Variants in CACNG5 observed in about 807,000 individuals in gnomAD.
CACNG5 encodes the protein calcium voltage-gated channel auxiliary subunit gamma 5.
Under a neutral mutation model 24.8 loss-of-function variants are expected in CACNG5, and 18 were observed. The ratio of observed to expected loss-of-function variants is 0.73; its 90% CI spans 0.50 to 1.08. CACNG5 has a LOEUF of 1.08. CACNG5 is among the 50% of genes least tolerant of loss of function. The probability of loss-of-function intolerance (pLI) is 0.00; values close to 1 mark genes in which losing one functional copy is unlikely to be tolerated. For missense variants in CACNG5, 349 were observed against 367.9 expected, an observed-to-expected ratio of 0.95 and a Z score of 0.42; for synonymous variants, 157 against 149.1, an observed-to-expected ratio of 1.05 and a Z score of -0.39.
chr17:66,836,776 T>G (rs7222866), intron 1 of CACNG5, among the ~76,000 whole-genome samples: 27,372 of 152,112 alleles, frequency 0.18, 3,058 homozygotes, highest in East Asian at 0.53. Context: ...CAACGGAAGA[T>G]AGAGGTGGCC....
intron 1 of CACNG5, among the ~76,000 whole-genome samples, chr17:66,837,032 C>A (rs1415566200): frequency 6.6e-6 from 1 of 152,248 alleles, no homozygotes. Context: ...CTGTGTGACA[C>A]TGGCCAACTT....
At chr17:66,882,790 A>ACAG (rs142102781) in intron 4 of CACNG5, among the ~76,000 whole-genome samples, 12,699 of 151,970 alleles carry the variant, frequency 0.084, 711 homozygotes, top group Non-Finnish European at 0.11. Context: ...GAAAGGAAAA[A>ACAG]CAGCTATTGG....
rs71380000 is a variant in CACNG5 at position 66,893,445 on chromosome 17, C to T, written c.*8205C>T. ...TGGATTTTCCTAACTGTGGTCAGCC[C>T]GTGGTGGAACCTCGCCACACTCTTG... On this transcript the variant is annotated 3_prime_UTR_variant, in exon 6 of 6. Transcript: ENST00000533854. Among the ~76,000 whole-genome samples, 2,161 of 152,288 alleles carry T rather than the reference C, an allele frequency of 0.014. 28 individuals carry two copies. The highest frequency in any genetic ancestry group is 0.021 in the Non-Finnish European group (1,435 of 68,026).
At position 66,885,526 on chromosome 17, in the gene CACNG5, T is replaced by TC. The variant is rs57544567; in HGVS notation, c.*292dup. On this transcript the variant is annotated 3_prime_UTR_variant, in exon 6 of 6. Transcript: ENST00000533854. ...GCAGTGGCTCCAGGAAGCCAGCAGC[T>TC]CCCCCCAAGCCCAGGAGACACCGAT... 0.23 allele frequency: 97,043 copies of TC among 416,344 alleles called. 12,533 individuals carry two copies. Among genetic ancestry groups the TC allele is most frequent in the African/African-American group, 0.37 (18,680 of 49,830 alleles). 25.8% of individuals were successfully genotyped at this position (416,344 alleles called of 1,614,324 possible).
intron 2 of CACNG5, among the ~76,000 whole-genome samples, chr17:66,878,460 G>T (rs1383624462): frequency 6.6e-6 from 1 of 152,236 alleles, no homozygotes; most frequent in Non-Finnish European, 1.5e-5. Context: ...TGTTGAGTCT[G>T]CCATGTGAAT....
rs1977264577 is a variant in CACNG5, at chr17:66,886,593, G to C, written c.*1353G>C. Among the ~76,000 whole-genome samples, 1 of 152,198 alleles carries C rather than the reference G, an allele frequency of 6.6e-6. No homozygotes were observed. The highest frequency in any genetic ancestry group is 2.4e-5 in the African/African-American group (1 of 41,458). Reference sequence around the variant, plus strand: ...TAGCAAAGCAATGCTGTGTGTCGCTGCTGTGCCCGCTCTCTCCTTGCCCTC... The same window carrying C: ...TAGCAAAGCAATGCTGTGTGTCGCTCCTGTGCCCGCTCTCTCCTTGCCCTC... On this transcript the variant is annotated 3_prime_UTR_variant, in exon 6 of 6. Coordinates refer to ENST00000533854, the MANE Select transcript of CACNG5 (RefSeq NM_145811.3).
intron 1 of CACNG5, among the ~76,000 whole-genome samples, chr17:66,862,341 C>T (rs1976873602): frequency 6.6e-6 from 1 of 151,172 alleles, no homozygotes; most frequent in South Asian, 2.1e-4. Context: ...TACACACGCC[C>T]AGCTATGAAT....
intron 1 of CACNG5, among the ~76,000 whole-genome samples, chr17:66,868,147 T>C (rs1479576997): frequency 6.6e-6 from 1 of 152,230 alleles, no homozygotes; most frequent in African/African-American, 2.4e-5. Flanking sequence ...GCTGGACTTC[T>C]TCTTTTGTTA....
chr17:66,855,554 C>T (rs990574647), intron 1 of CACNG5, among the ~76,000 whole-genome samples: 6 of 152,192 alleles, frequency 3.9e-5, no homozygotes, highest in Non-Finnish European at 5.9e-5. Flanking sequence ...GACAGAGTCT[C>T]ACCCTGTCAC....
chr17:66,837,956 C>A (rs1278563828), intron 1 of CACNG5, among the ~76,000 whole-genome samples: 1 of 151,516 alleles, frequency 6.6e-6, no homozygotes, highest in African/African-American at 2.4e-5. Flanking sequence ...AGGGTGGGTG[C>A]CAGGCCTGTG....
chr17:66,847,941 C>G (rs1346533884), intron 1 of CACNG5, among the ~76,000 whole-genome samples: 1 of 152,186 alleles, frequency 6.6e-6, no homozygotes, highest in African/African-American at 2.4e-5. Context: ...TCTGATGGAG[C>G]CCAGACCCTT....
chr17:66,875,579 T>C (rs1208509226), intron 1 of CACNG5, among the ~76,000 whole-genome samples: 1 of 152,162 alleles, frequency 6.6e-6, no homozygotes, highest in Non-Finnish European at 1.5e-5. Flanking sequence ...CAACTCAGAC[T>C]CTGCAGACAA....
Position 66,862,888 on chromosome 17 carries a change from T to TTCTCTCTCTC in CACNG5, c.-103-14337_-103-14336insCTCTCTCTCT, listed in dbSNP as rs144007490. On this transcript the variant is annotated intron_variant, in intron 1 of 5. Coordinates refer to ENST00000533854, the MANE Select transcript of CACNG5 (RefSeq NM_145811.3). Reference sequence around the variant, plus strand: ...TCTTACAACCTTGTCTGCCAGCATATTCTCTGTGTGTGTGTGTGTGTGTGT... The same window carrying TTCTCTCTCTC: ...TCTTACAACCTTGTCTGCCAGCATATTCTCTCTCTCTCTCTGTGTGTGTGTGTGTGTGTGT... Among the ~76,000 whole-genome samples the TTCTCTCTCTC allele has an allele frequency of 8.7e-3, 830 of 95,644 alleles. 13 individuals carry two copies. Among genetic ancestry groups the TTCTCTCTCTC allele is most frequent in the African/African-American group, 0.025 (753 of 30,608 alleles). The allele number at this position is 95,644 out of a possible 152,430, so 62.7% of individuals were successfully genotyped here.
At position 66,891,871 on chromosome 17, in the gene CACNG5, G is replaced by T. The variant is rs1036054150; in HGVS notation, c.*6631G>T. ...CTGGAGATTCTGAAGTTACTCTGGG[G>T]TGGGACCTGAGGGTCTGTTTCTCTT... On this transcript the variant is annotated 3_prime_UTR_variant, in exon 6 of 6. Transcript: ENST00000533854. 6.6e-6 allele frequency among the ~76,000 whole-genome samples: 1 copy of T among 152,184 alleles called. No individual in the cohort carries two copies. Among genetic ancestry groups the T allele is most frequent in the African/African-American group, 2.4e-5 (1 of 41,440 alleles).
intron 1 of CACNG5, among the ~76,000 whole-genome samples, chr17:66,852,532 A>C (rs1327663857): frequency 3.3e-5 from 5 of 152,164 alleles, no homozygotes; most frequent in Admixed American, 6.5e-5. Flanking sequence ...AGAAACTGAA[A>C]ATTGCTGTTT....
chr17:66,849,634 C>T (rs1022268998), intron 1 of CACNG5, among the ~76,000 whole-genome samples: 3 of 152,184 alleles, frequency 2.0e-5, no homozygotes, highest in African/African-American at 7.2e-5. Flanking sequence ...TCAGGTCCTG[C>T]CCTAGCCTCC....
chr17:66,879,914 T>C (rs1977134104), intron 3 of CACNG5, among the ~76,000 whole-genome samples: 1 of 152,146 alleles, frequency 6.6e-6, no homozygotes, highest in South Asian at 2.1e-4. Context: ...AACCCCAATC[T>C]TCTAATCCCA....
Position 66,894,267 on chromosome 17 carries a change from C to CCA in CACNG5, c.*9027_*9028insCA, listed in dbSNP as rs1977383660. Among the ~76,000 whole-genome samples the CCA allele has an allele frequency of 3.9e-5, 6 of 152,254 alleles. No homozygotes were observed. In the South Asian group the frequency reaches 1.2e-3, roughly 32 times the overall value. ...AATCTGTCACCCCCTTGGGAGGATC[C>CCA]TGCACATCCTTCCTCAGTGGATCCT... is the stretch of plus-strand genomic sequence containing the variant. On this transcript the variant is annotated 3_prime_UTR_variant, in exon 6 of 6. Transcript: ENST00000533854.
chr17:66,874,220 G>A lies in CACNG5; in HGVS notation c.-103-3010G>A, dbSNP rs145836245. ...TAGCCAGGATTAAAATGGGGAGTAA[G>A]GTGCTTAACAGGATGCCTAACAATG... On this transcript the variant is annotated intron_variant, in intron 1 of 5. Coordinates refer to ENST00000533854, the MANE Select transcript of CACNG5 (RefSeq NM_145811.3). Among the ~76,000 whole-genome samples the A allele has an allele frequency of 1.4e-4, 21 of 152,258 alleles. No individual in the cohort carries two copies. The East Asian group carries it at 4.1e-3, about 29-fold the overall frequency.
Sources: allele counts gnomAD v4.1 joint callset (sites outside exome capture counted in the v4.1 genomes callset), GRCh38; gene constraint gnomAD v4.1.1; transcripts MANE v1.5; gene names NCBI Gene and HGNC (gene_info 2026-07-23, HGNC 2026-07-21).